ALMS1: variants seen among roughly 807,000 people sequenced by gnomAD.
ALMS1 encodes the protein centrosome-associated protein ALMS1.
A neutral mutation model predicts 352.2 loss-of-function variants in ALMS1; 271 were observed. The ratio of observed to expected loss-of-function variants is 0.77; its 90% confidence interval spans 0.70 to 0.85. The LOEUF (loss-of-function observed/expected upper bound fraction) is 0.85. ALMS1 is among the 40% of genes least tolerant of loss of function. ALMS1 has a pLI of 0.00. For missense variants in ALMS1, 5,445 were observed against 4,870.7 expected (o/e 1.12, Z -3.51); for synonymous variants, 1,865 against 1,761.2 (o/e 1.06, Z -1.48).
chr2:73,476,081 C>A (rs886657705), intron 9 of ALMS1, among the ~76,000 whole-genome samples: 1 of 151,962 alleles, frequency 6.6e-6, no homozygotes, highest in Non-Finnish European at 1.5e-5. Context: ...TAGCAACCAC[C>A]ATTCTACTTT....
intron 21 of ALMS1, among the ~76,000 whole-genome samples, chr2:73,604,990 C>T: frequency 6.6e-6 from 1 of 152,158 alleles, no homozygotes; most frequent in East Asian, 1.9e-4. Context: ...TTCCTTTGCA[C>T]CGTGAAGGAT....
chr2:73,588,518 T>G (rs1675356591), intron 16 of ALMS1, among the ~76,000 whole-genome samples: 1 of 152,218 alleles, frequency 6.6e-6, no homozygotes, highest in South Asian at 2.1e-4. Flanking sequence ...GTGTTTTCAC[T>G]CTTTTTCTTT....
At chr2:73,386,403 C>T (rs1425257189) in intron 1 of ALMS1, among the ~76,000 whole-genome samples, 3 of 152,300 alleles carry the variant, frequency 2.0e-5, no homozygotes, top group African/African-American at 7.2e-5. Context: ...TCCTCCCCCT[C>T]GGTGGGTCCT....
At chr2:73,440,866 A>G (rs1386612791) in intron 7 of ALMS1, among the ~76,000 whole-genome samples, 4 of 152,186 alleles carry the variant, frequency 2.6e-5, no homozygotes, top group Admixed American at 2.6e-4. Flanking sequence ...CAGTTGCTCT[A>G]TTTAGGTTTT....
rs183046386 is a variant in ALMS1 at position 73,562,746 on chromosome 2, G to A, written c.10384+3604G>A. On this transcript the variant is annotated intron_variant, in intron 15 of 22. Transcript: ENST00000613296. Reference sequence around the variant, plus strand: ...CTATTAAAAATACAAAATTAGCCGGGCATGGTGGTGCATGCCTGTAATCCC... The same window carrying A: ...CTATTAAAAATACAAAATTAGCCGGACATGGTGGTGCATGCCTGTAATCCC... Among the ~76,000 whole-genome samples, 184 of 152,070 alleles carry A rather than the reference G, an allele frequency of 1.2e-3. 1 individual carries two copies. The highest frequency in any genetic ancestry group is 2.8e-3 in the Admixed American group (42 of 15,266).
In ALMS1 at chr2:73,449,280, C is replaced by A; in HGVS notation, c.2753C>A (p.Ser918Tyr). The A allele has an allele frequency of 6.2e-7, 1 of 1,613,728 alleles. No homozygotes were observed. The highest frequency in any genetic ancestry group is 8.5e-7 in the Non-Finnish European group (1 of 1,179,896). The change falls in exon 8 of 23, where the codon TCC becomes TAC. Residue 918 changes from serine to tyrosine, a missense_variant. Ser to Tyr is a moderately radical substitution (Grantham distance 144). Transcript: ENST00000613296. ...YSHREKPIIF[S>Y]QQTLPDFLFP... is the part of the protein sequence containing the mutation. ...CACAGAGAGAAGCCCATTATTTTTT[C>A]CCAGCAGACCCTGCCAGACTTTCTT...
chr2:73,466,177 A>G (rs1176648967), intron 9 of ALMS1, among the ~76,000 whole-genome samples: 2 of 152,188 alleles, frequency 1.3e-5, no homozygotes, highest in African/African-American at 4.8e-5. Context: ...ATAAAGACAC[A>G]TACACATGTA....
Position 73,540,685 on chromosome 2 carries a change from C to G in ALMS1, c.9907+5736C>G, listed in dbSNP as rs529169245. ...AATAAAGGGATAGAGGAAGATCTACCAAGCAAATGGAAAACAAAAAAAGGC... is the reference window on the plus strand; with the variant it reads ...AATAAAGGGATAGAGGAAGATCTACGAAGCAAATGGAAAACAAAAAAAGGC... On this transcript the variant is annotated intron_variant, in intron 12 of 22. Coordinates refer to ENST00000613296, the MANE Select transcript of ALMS1 (RefSeq NM_001378454.1). Among the ~76,000 whole-genome samples the G allele has an allele frequency of 2.5e-3, 385 of 152,108 alleles. 4 individuals carry two copies. Among genetic ancestry groups the G allele is most frequent in the African/African-American group, 8.9e-3 (371 of 41,460 alleles).
chr2:73,567,750 A>G (rs1208455601), intron 15 of ALMS1, among the ~76,000 whole-genome samples: 1 of 152,234 alleles, frequency 6.6e-6, no homozygotes, highest in Non-Finnish European at 1.5e-5. Flanking sequence ...AAATGCAAGT[A>G]TAAAAGATCC....
At chr2:73,446,571 G>C (rs961223705) in intron 7 of ALMS1, among the ~76,000 whole-genome samples, 2 of 151,908 alleles carry the variant, frequency 1.3e-5, no homozygotes, top group Admixed American at 1.3e-4. Flanking sequence ...TCTTTACTTT[G>C]AAATTCACTC....
intron 12 of ALMS1, among the ~76,000 whole-genome samples, chr2:73,542,758 T>A (rs932237865): frequency 6.6e-6 from 1 of 151,990 alleles, no homozygotes; most frequent in Non-Finnish European, 1.5e-5. Context: ...TGAACTCCCA[T>A]TCACAATTGC....
intron 12 of ALMS1, 69 bp downstream of exon 12, chr2:73,535,018 G>A: frequency 6.3e-7 from 1 of 1,593,474 alleles, no homozygotes; most frequent in Non-Finnish European, 8.6e-7. Flanking sequence ...AGTTGATTCT[G>A]GAGTGACAAA....
In ALMS1 at chr2:73,449,205, C is replaced by T. The variant is rs1671874349; in HGVS notation, c.2678C>T (p.Pro893Leu). 1 of 1,614,110 alleles carries T rather than the reference C, an allele frequency of 6.2e-7. No individual in the cohort carries two copies. The highest frequency in any genetic ancestry group is 1.1e-5 in the South Asian group (1 of 91,080). Reference protein sequence around the residue: ...EALKVSIVPGPGDQKTGIPSA... With the variant: ...EALKVSIVPGLGDQKTGIPSA... ...CTGAAAGTATCAATTGTTCCTGGAC[C>T]AGGTGATCAGAAGACTGGGATACCC... Residue 893 changes from proline to leucine, a missense_variant, in exon 8 of 23, where the codon CCA becomes CTA. Pro to Leu is a moderately conservative substitution (Grantham distance 98, BLOSUM62 -3). Coordinates refer to ENST00000613296, the MANE Select transcript of ALMS1 (RefSeq NM_001378454.1).
At chr2:73,533,498 G>T (rs1034576620) in intron 11 of ALMS1, among the ~76,000 whole-genome samples, 4 of 152,106 alleles carry the variant, frequency 2.6e-5, no homozygotes, top group African/African-American at 9.7e-5. Flanking sequence ...TCTAGGAAGT[G>T]GGGGGCTTTA....
rs1331516463 is a variant in ALMS1, at chr2:73,428,275, T to G, written c.1338+1722T>G. On this transcript the variant is annotated intron_variant, in intron 6 of 22. Transcript: ENST00000613296. ...TATTTTGCAATTGACACTTAGAGGA[T>G]TTAGGAACTTGCTCATAATTATTCA... is the stretch of plus-strand genomic sequence containing the variant. 2.0e-5 allele frequency among the ~76,000 whole-genome samples: 3 copies of G among 152,278 alleles called. No individual in the cohort carries two copies. In the East Asian group the frequency reaches 5.8e-4, roughly 29 times the overall value.
intron 1 of ALMS1, among the ~76,000 whole-genome samples, chr2:73,406,224 A>G (rs1235470153): frequency 6.6e-6 from 1 of 152,142 alleles, no homozygotes; most frequent in Non-Finnish European, 1.5e-5. Context: ...TTATTTGTGC[A>G]TTGACCCCAT....
intron 10 of ALMS1, among the ~76,000 whole-genome samples, chr2:73,516,750 C>G (rs1673565429): frequency 1.3e-5 from 2 of 152,182 alleles, no homozygotes; most frequent in South Asian, 2.1e-4. Context: ...TTCATTAGTA[C>G]TCTTGCAAAT....
chr2:73,414,194 T>C (rs1671133979), intron 2 of ALMS1, among the ~76,000 whole-genome samples: 1 of 152,172 alleles, frequency 6.6e-6, no homozygotes, highest in South Asian at 2.1e-4. Context: ...CTCTTTAATG[T>C]CTTCATCAAT....
At chr2:73,416,685 G>A (rs529180666) in intron 2 of ALMS1, among the ~76,000 whole-genome samples, 104 of 152,258 alleles carry the variant, frequency 6.8e-4, no homozygotes, top group African/African-American at 2.5e-3. Flanking sequence ...AGGAAGAAGA[G>A]TCCAGTAGTG....
Sources: allele counts gnomAD v4.1 joint callset (sites outside exome capture counted in the v4.1 genomes callset), GRCh38; gene constraint gnomAD v4.1.1; transcripts MANE v1.5; gene names NCBI Gene and HGNC (gene_info 2026-07-23, HGNC 2026-07-21).